STAG3: variants seen among roughly 807,000 people sequenced by gnomAD.
STAG3 encodes cohesin subunit SA-3.
Under a neutral mutation model 160.7 loss-of-function variants are expected in STAG3, and 101 were observed. That is an observed-to-expected ratio of 0.63 (90% CI 0.54 to 0.74). The LOEUF (loss-of-function observed/expected upper bound fraction) is 0.74, where lower values mean the gene tolerates loss of function less well. Among genes scored for constraint, STAG3 ranks in the 30% least tolerant of loss-of-function variants. STAG3 has a pLI of 0.00. For synonymous variants in STAG3, 519 were observed against 585.0 expected (o/e 0.89, Z 1.63); for missense variants, 1,188 against 1,517.4 (o/e 0.78, Z 3.61).
chr7:100,187,155 C>T (rs1242096677), intron 5 of STAG3, among the ~76,000 whole-genome samples: 1 of 152,066 alleles, frequency 6.6e-6, no homozygotes, highest in African/African-American at 2.4e-5. Flanking sequence ...CCTCAGCCTC[C>T]CAGGTGGCTG....
In STAG3 at chr7:100,198,186, G is replaced by T; in HGVS notation, c.1244+20G>T. 1 of 1,610,520 alleles carries T rather than the reference G, an allele frequency of 6.2e-7. No homozygotes were observed. Among genetic ancestry groups the T allele is most frequent in the Non-Finnish European group, 8.5e-7 (1 of 1,176,752 alleles). ...CCTTAAGTGAGTCCTGGGAAGAGGG[G>T]AGGCCAGTGTCTCAGACCTTTGCCC... On this transcript the variant is annotated intron_variant, in intron 12 of 33. Transcript: ENST00000615138.
chr7:100,201,057 GA>G, intron 19 of STAG3, 32 bp from the exon 20 acceptor site: 1 of 1,614,100 alleles, frequency 6.2e-7, no homozygotes, highest in Non-Finnish European at 8.5e-7. Context: ...AGTTCTGGGG[GA>G]AATGCTATTG....
At position 100,198,495 on chromosome 7, in the gene STAG3, C is replaced by T. The variant is rs781730286; in HGVS notation, c.1265C>T (p.Thr422Met). 27 of 1,614,100 alleles carry T rather than the reference C, an allele frequency of 1.7e-5. No homozygotes were observed. Among genetic ancestry groups the T allele is most frequent in the African/African-American group, 2.7e-5 (2 of 74,924 alleles). Residue 422 changes from threonine (T) to methionine (M), a missense_variant, in exon 13 of 34, where the codon ACG (threonine) becomes ATG (methionine). Transcript: ENST00000615138. ...LILKNMEGVL[T>M]DADCESVYPV... ...GGCAGGAACATGGAAGGGGTGCTGA[C>T]GGACGCGGATTGTGAGAGCGTCTAC...
At chr7:100,213,647 T>G in intron 32 of STAG3, 88 bp from the exon 33 acceptor site, 1 of 1,600,552 alleles carries the variant, frequency 6.2e-7, no homozygotes, top group Non-Finnish European at 8.5e-7. Flanking sequence ...TTTGTTCTTA[T>G]GAGGCTGGGA....
At chr7:100,195,598 T>G (rs1342900606) in intron 9 of STAG3, among the ~76,000 whole-genome samples, 1 of 152,158 alleles carries the variant, frequency 6.6e-6, no homozygotes, top group Non-Finnish European at 1.5e-5. Flanking sequence ...TGGGAGAAAA[T>G]AAGAGAATAA....
chr7:100,199,481 C>T (rs1800929507), intron 15 of STAG3, 60 bp from the exon 16 acceptor site: 1 of 1,560,848 alleles, frequency 6.4e-7, no homozygotes, highest in Admixed American at 1.8e-5. Flanking sequence ...GTGGGGGGAG[C>T]TTGGAGTTGG....
At chr7:100,200,697 G>C in intron 18 of STAG3, 72 bp from the exon 19 acceptor site, 1 of 1,575,340 alleles carries the variant, frequency 6.3e-7, no homozygotes. Flanking sequence ...TTTTAACCCC[G>C]TTCCACTTCC....
Position 100,198,578 on chromosome 7 carries a change from T to C in STAG3, c.1348T>C (p.Trp450Arg). 6.2e-7 allele frequency: 1 copy of C among 1,613,102 alleles called. No homozygotes were observed. The highest frequency in any genetic ancestry group is 8.5e-7 in the Non-Finnish European group (1 of 1,179,532). ...CTCTGCCGCAGGCGAATTTCTGTAC[T>C]GGAAGTGAGTGGGGCTCCTTTTATG... ...LASAAGEFLY[W>R]KLFYPECEIR... The change falls in exon 13 of 34, where the codon TGG becomes CGG. Residue 450 changes from tryptophan to arginine, a missense_variant. Physicochemically the swap from Trp to Arg is moderately radical, Grantham distance 101. Around this residue, in one of 4 missense-constraint regions of STAG3, gnomAD observed 240 missense variants for 358.1 expected, o/e 0.67. Coordinates refer to ENST00000615138, the MANE Select transcript of STAG3 (RefSeq NM_001282717.2).
At chr7:100,203,175 C>A (rs967179188) in intron 25 of STAG3, among the ~76,000 whole-genome samples, 4 of 138,480 alleles carry the variant, frequency 2.9e-5, no homozygotes, top group Admixed American at 1.7e-4. Flanking sequence ...GTGTTTATTT[C>A]TTTTCTTTTC....
chr7:100,178,106 G>A (rs1412509478), intron 1 of STAG3, 101 bp downstream of exon 1: 1 of 133,560 alleles, frequency 7.5e-6, no homozygotes, highest in South Asian at 2.5e-4. Flanking sequence ...GACCCTCCCG[G>A]CCCTGACACT....
rs571854402 is a variant in STAG3 at position 100,197,724 on chromosome 7, G to A, written c.1066-54G>A. 2,619 of 1,422,780 alleles carry A rather than the reference G, an allele frequency of 1.8e-3. 70 individuals carry two copies. In the South Asian group the frequency reaches 0.028, roughly 15 times the overall value. The allele number at this position is 1,422,780 out of a possible 1,614,324, so 88.1% of individuals were successfully genotyped here. A position where few individuals can be genotyped will look rare whatever the true frequency, so the allele number is the denominator to read the frequency against. On this transcript the variant is annotated intron_variant, in intron 10 of 33. Transcript: ENST00000615138. ...GGGAGTCTGGAGGCTTAGTAGGGGC[G>A]AGTAGAGTGTGGTTAGTCTTATTTC... is the stretch of plus-strand genomic sequence containing the variant.
chr7:100,180,882 T>TG (rs1486900935), intron 2 of STAG3: 1 of 261,180 alleles, frequency 3.8e-6, no homozygotes, highest in African/African-American at 2.3e-5. Flanking sequence ...TACATCCTGT[T>TG]TTTTTTTTTT....
rs751023894 is a variant in STAG3, at chr7:100,200,708, C to T, written c.1861-61C>T. The stretch of plus-strand genomic sequence containing the variant: ...ATGCTTTTAACCCCGTTCCACTTCC[C>T]GCCAGAAGAGTGTCCTCCTCCCATC... On this transcript the variant is annotated intron_variant, in intron 18 of 33. Transcript: ENST00000615138. 158 of 1,587,008 alleles carry T rather than the reference C, an allele frequency of 1.0e-4. No individual in the cohort carries two copies. The Middle Eastern group carries it at 1.3e-3, about 14-fold the overall frequency.
intron 1 of STAG3, among the ~76,000 whole-genome samples, chr7:100,178,326 C>T (rs983503696): frequency 5.3e-5 from 8 of 152,174 alleles, no homozygotes; most frequent in Admixed American, 4.6e-4. Context: ...GCGTTTCCAG[C>T]CCTATTCTCA....
intron 32 of STAG3, chr7:100,212,922 A>G (rs1802387595): frequency 6.5e-6 from 1 of 152,848 alleles, no homozygotes; most frequent in African/African-American, 2.4e-5. Context: ...AATAAAATGG[A>G]CCTTTTACAT....
In STAG3 at chr7:100,198,783, G is replaced by A; in HGVS notation, c.1353-60G>A. On this transcript the variant is annotated intron_variant, in intron 13 of 33. Transcript: ENST00000615138. The stretch of plus-strand genomic sequence containing the variant: ...CCTTGGGCCATCTCCTCCCTCTGTG[G>A]TCGTTACACCTCCTTGTTTCCTGTT... 3 of 1,481,636 alleles carry A rather than the reference G, an allele frequency of 2.0e-6. No individual in the cohort carries two copies. In the South Asian group the frequency reaches 3.4e-5, roughly 17 times the overall value. The allele number at this position is 1,481,636 out of a possible 1,614,324, so 91.8% of individuals were successfully genotyped here.
In STAG3 at chr7:100,202,020, G is replaced by T; in HGVS notation, c.2373G>T (p.Val791=). The stretch of plus-strand genomic sequence containing the variant: ...TCTGCCAGAGTTGCCTCTCAGATGT[G>T]GATACTGAGATCCAGGAGCAGGTGA... The part of the protein sequence containing the change: ...CELCQSCLSD[V]DTEIQEQAFV... The change falls in exon 23 of 34, where the codon GTG becomes GTT. Residue 791 remains valine, a synonymous_variant. Transcript: ENST00000615138. 6.2e-7 allele frequency: 1 copy of T among 1,614,122 alleles called. No homozygotes were observed. The highest frequency in any genetic ancestry group is 1.3e-5 in the African/African-American group (1 of 75,024).
intron 29 of STAG3, among the ~76,000 whole-genome samples, chr7:100,209,138 T>C (rs1014241254): frequency 1.3e-5 from 2 of 152,160 alleles, no homozygotes; most frequent in Admixed American, 1.3e-4. Context: ...AATCTCTTGT[T>C]AGAGGTTAGT....
At chr7:100,184,930 C>G (rs1799896274) in intron 4 of STAG3, among the ~76,000 whole-genome samples, 1 of 152,196 alleles carries the variant, frequency 6.6e-6, no homozygotes, top group East Asian at 1.9e-4. Flanking sequence ...TTGTGAGCCA[C>G]TCATTTTCCC....
Sources: allele counts gnomAD v4.1 joint callset (sites outside exome capture counted in the v4.1 genomes callset), GRCh38; gene constraint gnomAD v4.1.1; regional missense constraint gnomAD v4.1.1; transcripts MANE v1.5; gene names NCBI Gene and HGNC (gene_info 2026-07-23, HGNC 2026-07-21).